POLR1D: variants seen among roughly 807,000 people sequenced by gnomAD.
The protein encoded by POLR1D is RNA polymerase I and III subunit D.
POLR1D carries 8 observed loss-of-function variants against 10.8 expected under a neutral mutation model. The ratio of observed to expected loss-of-function variants is 0.74; its 90% CI spans 0.43 to 1.33. The LOEUF (loss-of-function observed/expected upper bound fraction) is 1.33, where lower values mean the gene tolerates loss of function less well. POLR1D is among the 40% of genes most tolerant of loss of function. The pLI, the probability that POLR1D is intolerant of heterozygous loss-of-function variation, is 0.01. For synonymous variants in POLR1D, 54 were observed against 57.2 expected, an observed-to-expected ratio of 0.94 and a Z score of 0.25; for missense variants, 152 against 161.7, an observed-to-expected ratio of 0.94 and a Z score of 0.32.
downstream of POLR1D, among the ~76,000 whole-genome samples, chr13:27,627,678 G>A (rs1255629572): frequency 6.7e-6 from 1 of 149,482 alleles, no homozygotes; most frequent in Non-Finnish European, 1.5e-5. Context: ...TTTTTCCAGT[G>A]TAAGAGAGCT....
At chr13:27,653,599 A>G (rs1484302218) in intron 2 of POLR1D, among the ~76,000 whole-genome samples, 1 of 152,062 alleles carries the variant, frequency 6.6e-6, no homozygotes, top group Non-Finnish European at 1.5e-5. Flanking sequence ...GGATACTTGC[A>G]CTCTTACGTT....
exon 3 of POLR1D, chr13:27,665,798 C>G: frequency 6.2e-7 from 1 of 1,614,090 alleles, no homozygotes; most frequent in Non-Finnish European, 8.5e-7. Flanking sequence ...CGATAAGGAA[C>G]CAGCGAAGAG....
upstream of POLR1D, chr13:27,621,773 C>T: frequency 2.5e-6 from 1 of 407,234 alleles, no homozygotes; most frequent in South Asian, 7.1e-5. Flanking sequence ...CCACCGCTCA[C>T]CCCGCGTCGG....
upstream of POLR1D, chr13:27,621,802 A>G (rs548156105): frequency 3.7e-6 from 2 of 541,356 alleles, no homozygotes; most frequent in East Asian, 3.5e-5. Context: ...CTGGGGGTGG[A>G]GCCTCATGCC....
At chr13:27,652,907 A>ATTCC (rs1956278839) in intron 2 of POLR1D, among the ~76,000 whole-genome samples, 1 of 78,530 alleles carries the variant, frequency 1.3e-5, no homozygotes, top group African/African-American at 6.0e-5. Context: ...TGCATTTACC[A>ATTCC]TTTCTTTTTT....
chr13:27,628,603 T>C (rs1287757252), intron 1 of POLR1D, among the ~76,000 whole-genome samples: 1 of 152,204 alleles, frequency 6.6e-6, no homozygotes, highest in African/African-American at 2.4e-5. Context: ...TTATGAACCT[T>C]TCTAGAGGAA....
chr13:27,657,483 G>A (rs1266462174), intron 2 of POLR1D, among the ~76,000 whole-genome samples: 4 of 152,004 alleles, frequency 2.6e-5, no homozygotes, highest in Admixed American at 6.6e-5. Context: ...CCAAGATTGC[G>A]CCACTGCACT....
intron 1 of POLR1D, among the ~76,000 whole-genome samples, chr13:27,640,310 C>T (rs1317900313): frequency 6.6e-6 from 1 of 152,170 alleles, no homozygotes; most frequent in Non-Finnish European, 1.5e-5. Flanking sequence ...AAACACCCTA[C>T]TCATGTTTTG....
At chr13:27,631,532 G>A (rs919225025) in intron 1 of POLR1D, among the ~76,000 whole-genome samples, 4 of 152,118 alleles carry the variant, frequency 2.6e-5, no homozygotes, top group Admixed American at 1.3e-4. Flanking sequence ...TTACCCATCC[G>A]CCTTCTCTAA....
intron 2 of POLR1D, among the ~76,000 whole-genome samples, chr13:27,658,287 C>T (rs1434961901): frequency 2.6e-5 from 4 of 152,244 alleles, no homozygotes; most frequent in South Asian, 4.1e-4. Context: ...CCAGCCTGCT[C>T]TGCAGAATCC....
downstream of POLR1D, among the ~76,000 whole-genome samples, chr13:27,624,451 G>C (rs1955987697): frequency 6.6e-6 from 1 of 152,142 alleles, no homozygotes; most frequent in Non-Finnish European, 1.5e-5. Context: ...GCGTGCCATA[G>C]AGCCTACATT....
downstream of POLR1D, among the ~76,000 whole-genome samples, chr13:27,627,747 T>TTTTTTTTTC (rs1566142755): frequency 2.2e-5 from 3 of 135,100 alleles, no homozygotes; most frequent in African/African-American, 2.7e-5. Context: ...TTTTTTTTTT[T>TTTTTTTTTC]TTTGTCCCAT....
At chr13:27,631,642 T>G (rs1258437135) in intron 1 of POLR1D, among the ~76,000 whole-genome samples, 1 of 152,232 alleles carries the variant, frequency 6.6e-6, no homozygotes, top group Non-Finnish European at 1.5e-5. Flanking sequence ...TTATATTATA[T>G]ATTTATCTAT....
At chr13:27,625,188 A>G (rs1416103739), downstream of POLR1D, among the ~76,000 whole-genome samples, 1 of 152,178 alleles carries the variant, frequency 6.6e-6, no homozygotes. Flanking sequence ...TCTGGAGTCC[A>G]TGGGAGGAAG....
At chr13:27,622,636 T>C (rs1593275020) in intron 1 of POLR1D, among the ~76,000 whole-genome samples, 1 of 152,122 alleles carries the variant, frequency 6.6e-6, no homozygotes, top group East Asian at 1.9e-4. Flanking sequence ...TGTGTTTTTC[T>C]AAGAAAACTC....
At chr13:27,629,349 A>C (rs1246826425) in intron 1 of POLR1D, among the ~76,000 whole-genome samples, 1 of 152,218 alleles carries the variant, frequency 6.6e-6, no homozygotes, top group African/African-American at 2.4e-5. Flanking sequence ...TTGGGATAAC[A>C]ATAATACCAT....
In POLR1D at chr13:27,658,168, G is replaced by A. The variant is rs184002039; in HGVS notation, c.102-7518G>A. Among the ~76,000 whole-genome samples the A allele has an allele frequency of 2.4e-4, 37 of 152,320 alleles. No homozygotes were observed. In the East Asian group the frequency reaches 5.8e-3, roughly 24 times the overall value. On this transcript the variant is annotated intron_variant, in intron 2 of 2. Transcript: ENST00000399697. Reference sequence around the variant, plus strand: ...CACTATCAGTGATTATGAACTTGGGGTGTGGCCTGGGCTTTGGAGTTTTAA... The same window carrying A: ...CACTATCAGTGATTATGAACTTGGGATGTGGCCTGGGCTTTGGAGTTTTAA...
rs1365381288 is a variant in POLR1D at position 27,649,917 on chromosome 13, C to T, written c.101+1464C>T. On this transcript the variant is annotated intron_variant, in intron 2 of 2. Transcript: ENST00000399697. ...AAATTAGAGGTCACAGTCCCCAAGACTATCCTTACTTCTTATTACCAACCA... is the reference window on the plus strand; with the variant it reads ...AAATTAGAGGTCACAGTCCCCAAGATTATCCTTACTTCTTATTACCAACCA... The T allele has an allele frequency of 1.0e-5, 4 of 395,864 alleles. No individual in the cohort carries two copies. The East Asian group carries it at 1.4e-4, about 14-fold the overall frequency. The allele number at this position is 395,864 out of a possible 1,614,324, so 24.5% of individuals were successfully genotyped here.
chr13:27,644,767 TCTC>T (rs74781335), intron 1 of POLR1D, among the ~76,000 whole-genome samples: 15,519 of 152,232 alleles, frequency 0.1, 1,005 homozygotes, highest in Middle Eastern at 0.15. Context: ...TCTTATATAT[TCTC>T]CTATTTGCTT....
Sources: allele counts gnomAD v4.1 joint callset (sites outside exome capture counted in the v4.1 genomes callset), GRCh38; gene constraint gnomAD v4.1.1; transcripts MANE v1.5; gene names NCBI Gene and HGNC (gene_info 2026-07-23, HGNC 2026-07-21).